TAF12: variants seen among roughly 807,000 people sequenced by gnomAD.
The protein encoded by TAF12 is TATA-box binding protein associated factor 12.
A neutral mutation model predicts 20.8 loss-of-function variants in TAF12; 3 were observed. The ratio of observed to expected loss-of-function variants is 0.14; its 90% CI spans 0.07 to 0.37. The LOEUF is 0.37. TAF12 is among the 10% of genes least tolerant of loss of function. TAF12 has a pLI of 1.00. For missense variants in TAF12, 131 were observed against 197.9 expected, an observed-to-expected ratio of 0.66 and a Z score of 2.03; for synonymous variants, 69 against 70.2, an observed-to-expected ratio of 0.98 and a Z score of 0.09.
intron 1 of TAF12, among the ~76,000 whole-genome samples, chr1:28,638,554 C>A (rs1313922428): frequency 6.8e-6 from 1 of 148,140 alleles, no homozygotes; most frequent in Non-Finnish European, 1.5e-5. Flanking sequence ...GGCGCAATAT[C>A]GGCTCACTGC....
At chr1:28,620,745 T>C (rs1667195428) in intron 2 of TAF12, among the ~76,000 whole-genome samples, 1 of 152,140 alleles carries the variant, frequency 6.6e-6, no homozygotes. Context: ...ACCCAGAAAT[T>C]TGAGGCTACA....
chr1:28,622,360 GAA>G (rs1033224931), intron 1 of TAF12, among the ~76,000 whole-genome samples, 195 bp from the exon 2 acceptor site: 29 of 77,980 alleles, frequency 3.7e-4, no homozygotes, highest in Admixed American at 5.9e-4. Flanking sequence ...TCTCTACCAA[GAA>G]AAAAAAAAAA....
chr1:28,604,207 G>A (rs1403600144), intron 5 of TAF12, among the ~76,000 whole-genome samples: 3 of 152,142 alleles, frequency 2.0e-5, no homozygotes, highest in African/African-American at 7.2e-5. Context: ...GCCTGGCCAA[G>A]CATGTGTTTT....
chr1:28,637,674 G>T (rs377452336), intron 1 of TAF12, among the ~76,000 whole-genome samples: 2 of 151,844 alleles, frequency 1.3e-5, no homozygotes, highest in African/African-American at 4.8e-5. Flanking sequence ...CCAGAAAAAA[G>T]ATTTTCTTTT....
intron 2 of TAF12, among the ~76,000 whole-genome samples, chr1:28,620,475 G>A (rs1026656335): frequency 7.0e-5 from 10 of 143,414 alleles, no homozygotes; most frequent in African/African-American, 1.0e-4. Flanking sequence ...TCGCTCTGTC[G>A]CCCAGGCTGG....
chr1:28,620,381 C>A (rs1487608195), intron 2 of TAF12, among the ~76,000 whole-genome samples: 1 of 151,938 alleles, frequency 6.6e-6, no homozygotes, highest in Admixed American at 6.6e-5. Context: ...TTATCGCCTG[C>A]CTTGGCCTCC....
In TAF12 at chr1:28,638,938, C is replaced by T. The variant is rs1219958209; in HGVS notation, c.-85+4054G>A. 2.6e-5 allele frequency among the ~76,000 whole-genome samples: 4 copies of T among 151,484 alleles called. No individual in the cohort carries two copies. In the South Asian group the frequency reaches 6.3e-4, roughly 24 times the overall value. On this transcript the variant is annotated intron_variant, in intron 1 of 5. Transcript: ENST00000373824. Reference sequence around the variant, plus strand: ...TCCCAAGTAGCTGCGACTATAGGCGCCCGTGCCCAGCTAATTTTTTTTGTA... The same window carrying T: ...TCCCAAGTAGCTGCGACTATAGGCGTCCGTGCCCAGCTAATTTTTTTTGTA...
At chr1:28,647,761 C>T (rs1668234571), upstream of TAF12, among the ~76,000 whole-genome samples, 2 of 152,012 alleles carry the variant, frequency 1.3e-5, no homozygotes, top group African/African-American at 4.8e-5. Flanking sequence ...GTAGTCCTAG[C>T]TACTTGGGAG....
chr1:28,631,026 T>TA (rs1455748272), intron 1 of TAF12, among the ~76,000 whole-genome samples: 1 of 120,210 alleles, frequency 8.3e-6, no homozygotes, highest in Admixed American at 1.1e-4. Flanking sequence ...TCCTGGGTGA[T>TA]AGAGTGAGAC....
At chr1:28,609,332 T>G (rs1348178691) in intron 4 of TAF12, among the ~76,000 whole-genome samples, 1 of 152,108 alleles carries the variant, frequency 6.6e-6, no homozygotes, top group African/African-American at 2.4e-5. Context: ...CGCCTCGGCC[T>G]CCCAAAGTGC....
At chr1:28,606,755 A>G (rs1666681624) in intron 4 of TAF12, among the ~76,000 whole-genome samples, 1 of 152,212 alleles carries the variant, frequency 6.6e-6, no homozygotes, top group African/African-American at 2.4e-5. Flanking sequence ...AGGGACATGA[A>G]GGCACTTCAA....
At chr1:28,609,669 T>C (rs1469282148) in intron 4 of TAF12, among the ~76,000 whole-genome samples, 2 of 151,766 alleles carry the variant, frequency 1.3e-5, no homozygotes, top group Non-Finnish European at 2.9e-5. Context: ...GTATTTTTGG[T>C]AGAGATGGGG....
intron 1 of TAF12, among the ~76,000 whole-genome samples, chr1:28,635,308 G>C (rs1379726181): frequency 3.1e-5 from 3 of 98,028 alleles, no homozygotes; most frequent in Non-Finnish European, 6.1e-5. Flanking sequence ...TTTTGAGATG[G>C]AGTCTCACTG....
chr1:28,633,411 A>G (rs944789443), intron 1 of TAF12, among the ~76,000 whole-genome samples: 8 of 147,826 alleles, frequency 5.4e-5, no homozygotes, highest in African/African-American at 2.0e-4. Context: ...CAGGTGATCC[A>G]CCCGCCTCAG....
At chr1:28,643,974 T>C (rs1397247659), upstream of TAF12, among the ~76,000 whole-genome samples, 1 of 149,740 alleles carries the variant, frequency 6.7e-6, no homozygotes, top group Admixed American at 6.7e-5. Context: ...TGCTTAAACC[T>C]GGAGGGGCGG....
At chr1:28,635,802 A>C (rs1667803718) in intron 1 of TAF12, among the ~76,000 whole-genome samples, 1 of 151,456 alleles carries the variant, frequency 6.6e-6, no homozygotes, top group Admixed American at 6.6e-5. Flanking sequence ...CTGTGCATCT[A>C]TTCCATTAAC....
chr1:28,611,576 A>T (rs1330668529), intron 4 of TAF12, among the ~76,000 whole-genome samples: 1 of 152,094 alleles, frequency 6.6e-6, no homozygotes, highest in Non-Finnish European at 1.5e-5. Context: ...GGAAAAGGCC[A>T]CGTAAAGACC....
At chr1:28,610,317 C>G (rs959580202) in intron 4 of TAF12, among the ~76,000 whole-genome samples, 8 of 151,968 alleles carry the variant, frequency 5.3e-5, no homozygotes, top group African/African-American at 1.5e-4. Context: ...TATTTAGAGA[C>G]AGGGTCTTAC....
intron 5 of TAF12, among the ~76,000 whole-genome samples, chr1:28,604,106 C>T (rs1211782603): frequency 6.6e-6 from 1 of 152,004 alleles, no homozygotes; most frequent in Non-Finnish European, 1.5e-5. Flanking sequence ...GGTTTCACTA[C>T]ATTGGCCGGG....
Sources: allele counts gnomAD v4.1 joint callset (sites outside exome capture counted in the v4.1 genomes callset), GRCh38; gene constraint gnomAD v4.1.1; transcripts MANE v1.5; gene names NCBI Gene and HGNC (gene_info 2026-07-23, HGNC 2026-07-21).